The following CNTN4 variants were observed in gnomAD, a reference collection of about 807,000 sequenced individuals.
CNTN4 encodes contactin 4.
A neutral mutation model predicts 122.5 loss-of-function variants in CNTN4; 77 were observed. That is an observed-to-expected ratio of 0.63 (90% CI 0.52 to 0.76). The LOEUF (loss-of-function observed/expected upper bound fraction) is 0.76, where lower values mean the gene tolerates loss of function less well. Ranked by LOEUF, CNTN4 falls within the 30% of genes least tolerant of loss-of-function variation. CNTN4 has a pLI of 0.00. For missense variants in CNTN4, 1,256 were observed against 1,259.1 expected, an observed-to-expected ratio of 1.00 and a Z score of 0.04; for synonymous variants, 512 against 447.0, an observed-to-expected ratio of 1.15 and a Z score of -1.83.
At chr3:2,580,690 C>T (rs1427608095) in intron 4 of CNTN4, among the ~76,000 whole-genome samples, 1 of 152,138 alleles carries the variant, frequency 6.6e-6, no homozygotes, top group Non-Finnish European at 1.5e-5. Context: ...ATTTGCTTAA[C>T]AGTCTATTTA....
intron 8 of CNTN4, among the ~76,000 whole-genome samples, chr3:2,876,596 ACTGGTCTC>A (rs926571596): frequency 2.6e-5 from 4 of 152,202 alleles, no homozygotes; most frequent in Non-Finnish European, 4.4e-5. Context: ...AACTCTGCAA[ACTGGTCTC>A]CTTCTGCCAA....
rs116095614 is a variant in CNTN4, at chr3:2,139,069, G to A, written c.-145+38430G>A. Among the ~76,000 whole-genome samples, 1,349 of 152,278 alleles carry A rather than the reference G, an allele frequency of 8.9e-3. 14 individuals carry two copies. The highest frequency in any genetic ancestry group is 0.014 in the Non-Finnish European group (979 of 68,016). On this transcript the variant is annotated intron_variant, in intron 2 of 24. Coordinates refer to ENST00000418658, the MANE Select transcript of CNTN4 (RefSeq NM_175607.3). ...CTTTTTTCCTCTAACAAATGGGGGA[G>A]CATGTGGCCTTCTGAGTACTGGGTT...
chr3:2,140,241 T>TA (rs1196830979), intron 2 of CNTN4, among the ~76,000 whole-genome samples: 1 of 152,180 alleles, frequency 6.6e-6, no homozygotes, highest in Non-Finnish European at 1.5e-5. Context: ...AACAGACTAA[T>TA]ACACCACCTG....
Position 2,709,232 on chromosome 3 carries a change from A to G in CNTN4, c.56-26983A>G, listed in dbSNP as rs1576528410. Among the ~76,000 whole-genome samples, 1 of 152,356 alleles carries G rather than the reference A, an allele frequency of 6.6e-6. No homozygotes were observed. The highest frequency in any genetic ancestry group is 1.9e-4 in the East Asian group (1 of 5,188). On this transcript the variant is annotated intron_variant, in intron 4 of 24. Transcript: ENST00000418658. The surrounding 1 kb of genome is among the most constrained non-coding windows in gnomAD (Gnocchi z 5.0). ...AAAAATAACTATTTCTTTTAGAATA[A>G]AGAATGTATTTATAGTTTTGTTTTG... is the stretch of plus-strand genomic sequence containing the variant.
At chr3:2,244,110 C>T (rs1291553264) in intron 2 of CNTN4, among the ~76,000 whole-genome samples, 1 of 151,862 alleles carries the variant, frequency 6.6e-6, no homozygotes, top group South Asian at 2.1e-4. Context: ...CTATGTTTTT[C>T]CTGTGCATAC....
At chr3:2,648,890 C>T (rs768289839) in intron 4 of CNTN4, among the ~76,000 whole-genome samples, 28 of 152,132 alleles carry the variant, frequency 1.8e-4, no homozygotes, top group South Asian at 8.3e-4. Flanking sequence ...CTTCAGGCAA[C>T]GCATGAATAA....
intron 7 of CNTN4, chr3:2,866,467 G>T (rs2093724840): frequency 1.6e-6 from 2 of 1,261,388 alleles, no homozygotes; most frequent in East Asian, 8.2e-5. Context: ...CACCTGATTA[G>T]CAAACTATAA....
chr3:2,887,606 T>C (rs1316278482), intron 10 of CNTN4, among the ~76,000 whole-genome samples: 1 of 152,206 alleles, frequency 6.6e-6, no homozygotes, highest in Non-Finnish European at 1.5e-5. Flanking sequence ...ATTAGAATTT[T>C]GATTTGAGGC....
chr3:2,734,291 G>A (rs1395527662), intron 4 of CNTN4, among the ~76,000 whole-genome samples: 2 of 152,072 alleles, frequency 1.3e-5, no homozygotes, highest in African/African-American at 4.8e-5. Context: ...GAACCCCTGG[G>A]CTCAAGCAAT....
intron 7 of CNTN4, among the ~76,000 whole-genome samples, chr3:2,831,802 A>G (rs1033640269): frequency 2.0e-5 from 3 of 152,224 alleles, no homozygotes; most frequent in Non-Finnish European, 4.4e-5. Context: ...GAATTTACAC[A>G]TCCTCTCATT....
intron 6 of CNTN4, among the ~76,000 whole-genome samples, chr3:2,769,337 C>G (rs2090989976): frequency 6.6e-6 from 1 of 152,018 alleles, no homozygotes; most frequent in South Asian, 2.1e-4. Flanking sequence ...TGGTGGCGCA[C>G]ACCTGTAGTC....
At chr3:2,195,383 C>T (rs1206900827) in intron 2 of CNTN4, among the ~76,000 whole-genome samples, 5 of 152,152 alleles carry the variant, frequency 3.3e-5, no homozygotes, top group African/African-American at 9.7e-5. Context: ...TCAATGAACA[C>T]GGGAGTGAAG....
At chr3:2,138,240 G>A (rs558771449) in intron 2 of CNTN4, among the ~76,000 whole-genome samples, 1 of 151,788 alleles carries the variant, frequency 6.6e-6, no homozygotes, top group Non-Finnish European at 1.5e-5. Flanking sequence ...TAATTTTTGT[G>A]TTTTTTTACT....
intron 3 of CNTN4, among the ~76,000 whole-genome samples, chr3:2,484,023 C>T (rs2076077514): frequency 6.6e-6 from 1 of 151,950 alleles, no homozygotes; most frequent in Non-Finnish European, 1.5e-5. Flanking sequence ...AAAAGAACAA[C>T]CACAAACTGG....
In CNTN4 at chr3:2,705,903, AT is replaced by A. The variant is rs35881818; in HGVS notation, c.56-30310del. On this transcript the variant is annotated intron_variant, in intron 4 of 24. Transcript: ENST00000418658. Reference sequence around the variant, plus strand: ...TTTTTATATAATATATAAAATATATATTATATATAAAATATATGTAATATAT... The same window carrying A: ...TTTTTATATAATATATAAAATATATATATATATAAAATATATGTAATATAT... Among the ~76,000 whole-genome samples the A allele has an allele frequency of 9.5e-5, 6 of 63,270 alleles. No homozygotes were observed. In the South Asian group the frequency reaches 2.0e-3, roughly 21 times the overall value. 41.5% of individuals were successfully genotyped at this position (63,270 alleles called of 152,430 possible). A position where few individuals can be genotyped will look rare whatever the true frequency, so the allele number is the denominator to read the frequency against.
At chr3:2,274,190 C>T (rs181672008) in intron 2 of CNTN4, among the ~76,000 whole-genome samples, 7 of 152,214 alleles carry the variant, frequency 4.6e-5, no homozygotes, top group African/African-American at 1.4e-4. Flanking sequence ...CAAAACCAGC[C>T]TGTCCAACAT....
chr3:2,510,194 T>C (rs2076843485), intron 3 of CNTN4, among the ~76,000 whole-genome samples: 1 of 152,162 alleles, frequency 6.6e-6, no homozygotes, highest in African/African-American at 2.4e-5. Context: ...TTCACTCCCG[T>C]CACCCCAGTG....
At chr3:2,144,380 C>T (rs1351307297) in intron 2 of CNTN4, 1 of 152,190 alleles carries the variant, frequency 6.6e-6, no homozygotes, top group Non-Finnish European at 1.5e-5. Context: ...AAATCACTCC[C>T]ACTGATAGTG....
chr3:2,887,381 TG>T (rs2093990844), intron 10 of CNTN4, among the ~76,000 whole-genome samples, 157 bp downstream of exon 10: 1 of 151,262 alleles, frequency 6.6e-6, no homozygotes, highest in Admixed American at 6.6e-5. Flanking sequence ...TGGTTGATTC[TG>T]GGTGTGGAGA....
Sources: allele counts gnomAD v4.1 joint callset (sites outside exome capture counted in the v4.1 genomes callset), GRCh38; gene constraint gnomAD v4.1.1; non-coding constraint Gnocchi (gnomAD v3.1); transcripts MANE v1.5; gene names NCBI Gene and HGNC (gene_info 2026-07-23, HGNC 2026-07-21).